Variants in NBPF10 observed in about 807,000 individuals in gnomAD.
NBPF10 encodes the protein NBPF member 10.
NBPF10 carries 63 observed loss-of-function variants against 77.9 expected under a neutral mutation model. The ratio of observed to expected loss-of-function variants is 0.81; its 90% CI spans 0.66 to 1.00. The LOEUF is 1.00. Ranked by LOEUF, NBPF10 falls within the 50% of genes least tolerant of loss-of-function variation. NBPF10 has a pLI of 0.00. For missense variants in NBPF10, 522 were observed against 679.8 expected (o/e 0.77, Z 2.58); for synonymous variants, 146 against 264.5 (o/e 0.55, Z 4.35).
At chr1:146,121,895 A>T (rs1658219931) in intron 19 of NBPF10, among the ~76,000 whole-genome samples, 1 of 149,512 alleles carries the variant, frequency 6.7e-6, no homozygotes, top group Middle Eastern at 3.5e-3. Flanking sequence ...ACAGAGACAG[A>T]GAGAAAGTGA....
chr1:146,125,852 G>A (rs1295851540), intron 14 of NBPF10, among the ~76,000 whole-genome samples: 1 of 150,666 alleles, frequency 6.6e-6, no homozygotes, highest in Non-Finnish European at 1.5e-5. Flanking sequence ...ATTCAGCCCT[G>A]TCTCATCAAA....
At chr1:146,067,899 G>A (rs781937945) in intron 88 of NBPF10, 104 bp downstream of exon 88, 52 of 701,460 alleles carry the variant, frequency 7.4e-5, no homozygotes, top group Admixed American at 5.1e-4. Context: ...TCCTGCCTGC[G>A]GCAATGACGT....
intron 6 of NBPF10, among the ~76,000 whole-genome samples, chr1:146,137,362 C>G (rs7531700): frequency 6.8e-5 from 4 of 58,652 alleles, no homozygotes; most frequent in Non-Finnish European, 1.7e-4. Context: ...CCAAGCTACT[C>G]TCTGCTTTTT....
At position 146,134,335 on chromosome 1, in the gene NBPF10, G is replaced by A; in HGVS notation, c.1307-70C>T. 3 of 1,335,040 alleles carry A rather than the reference G, an allele frequency of 2.2e-6. 1 individual carries two copies. In the South Asian group the frequency reaches 3.5e-5, roughly 16 times the overall value. 82.7% of individuals were successfully genotyped at this position (1,335,040 alleles called of 1,614,324 possible). A position where few individuals can be genotyped will look rare whatever the true frequency, so the allele number is the denominator to read the frequency against. On this transcript the variant is annotated intron_variant, in intron 8 of 89. Coordinates refer to ENST00000583866, the Ensembl canonical transcript of NBPF10. ...TCTGCAAGCACAGTCAGCCCAATGT[G>A]CAACAGAGACATGAACATCTAGGCA... is the stretch of plus-strand genomic sequence containing the variant.
intron 14 of NBPF10, 136 bp from the exon 15 acceptor site, chr1:146,125,652 G>A: frequency 1.9e-6 from 1 of 524,776 alleles, no homozygotes; most frequent in East Asian, 2.9e-5. Flanking sequence ...TATTCTTCAG[G>A]AGGCCTGAAG....
chr1:146,066,675 C>T (rs1482902919), intron 89 of NBPF10, 114 bp from the exon 90 acceptor site: 3 of 532,008 alleles, frequency 5.6e-6, no homozygotes, highest in Non-Finnish European at 1.0e-5. Flanking sequence ...AAGGATAGAA[C>T]CATTAATGAG....
intron 71 of NBPF10, among the ~76,000 whole-genome samples, chr1:146,080,994 C>G (rs1433613478): frequency 3.5e-4 from 28 of 80,176 alleles, no homozygotes; most frequent in African/African-American, 8.9e-4. Context: ...CACACACACA[C>G]ACACACACAC....
At chr1:146,126,085 G>C (rs1658591116) in intron 14 of NBPF10, among the ~76,000 whole-genome samples, 151 bp downstream of exon 14, 1 of 151,580 alleles carries the variant, frequency 6.6e-6, no homozygotes, top group African/African-American at 2.4e-5. Flanking sequence ...GCTTCCAAGT[G>C]GAACTAGAGT....
At chr1:146,142,291 ACG>A (rs1660385059) in intron 2 of NBPF10, among the ~76,000 whole-genome samples, 1 of 112,444 alleles carries the variant, frequency 8.9e-6, no homozygotes, top group Non-Finnish European at 2.0e-5. Flanking sequence ...GAATGAGAAG[ACG>A]CAGTCAGTCA....
chr1:146,127,976 G>A (rs1571198984), intron 12 of NBPF10, 143 bp downstream of exon 12: 8 of 1,510,620 alleles, frequency 5.3e-6, no homozygotes, highest in South Asian at 1.1e-5. Flanking sequence ...TGACTCCAGA[G>A]TGACTGAAGT....
rs57038850 is a variant in NBPF10, at chr1:146,142,632, C to A, written c.278+18G>T. The A allele has an allele frequency of 4.6e-6, 6 of 1,309,068 alleles. No homozygotes were observed. The African/African-American group carries it at 5.5e-5, about 12-fold the overall frequency. The allele number at this position is 1,309,068 out of a possible 1,614,324, so 81.1% of individuals were successfully genotyped here. A position where few individuals can be genotyped will look rare whatever the true frequency, so the allele number is the denominator to read the frequency against. On this transcript the variant is annotated intron_variant, in intron 2 of 89. Coordinates refer to ENST00000583866, the Ensembl canonical transcript of NBPF10. ...CTACACACCTACCCGCCTGCCTCCC[C>A]CTATGGGGTCCCCTCACCTGAGCTC...
chr1:146,066,968 G>A (rs1215935339), intron 89 of NBPF10, among the ~76,000 whole-genome samples: 10 of 144,962 alleles, frequency 6.9e-5, no homozygotes, highest in Non-Finnish European at 1.5e-4. Context: ...TACAGCTTTT[G>A]AAGTATGGTC....
In NBPF10 at chr1:146,069,600, T is replaced by A; in HGVS notation, c.10753A>T (p.Arg3585Ter). Residue 3585 changes from arginine to a stop codon, truncating the protein, a stop_gained, in exon 86 of 90, where the codon AGA (arginine) becomes TGA (stop). Coordinates refer to ENST00000583866, the Ensembl canonical transcript of NBPF10. LOFTEE classifies it high-confidence loss of function. ...TGCTCCAATACATAAAAGGCACTTC[T>A]GTAGGGCTGGCATGAGTCACACAGT... 6.5e-7 allele frequency: 1 copy of A among 1,549,318 alleles called. No homozygotes were observed. Among genetic ancestry groups the A allele is most frequent in the Non-Finnish European group, 8.8e-7 (1 of 1,140,134 alleles).
rs1395030677 is a variant in NBPF10 at position 146,125,857 on chromosome 1, A to G, written c.2027-341T>C. ...AAACTGCACTATTCAGCCCTGTCTCATCAAATACTCAGATTGTTCATGGTA... is the reference window on the plus strand; with the variant it reads ...AAACTGCACTATTCAGCCCTGTCTCGTCAAATACTCAGATTGTTCATGGTA... On this transcript the variant is annotated intron_variant, in intron 14 of 89. Coordinates refer to ENST00000583866, the Ensembl canonical transcript of NBPF10. 2.6e-5 allele frequency among the ~76,000 whole-genome samples: 4 copies of G among 151,078 alleles called. No individual in the cohort carries two copies. The South Asian group carries it at 6.3e-4, about 24-fold the overall frequency.
At position 146,124,981 on chromosome 1, in the gene NBPF10, G is replaced by A; in HGVS notation, c.2079-121C>T. On this transcript the variant is annotated intron_variant, in intron 15 of 89. Transcript: ENST00000583866. Reference sequence around the variant, plus strand: ...AAAGAAAAAGGACAGATCCATTAACGAGGTAATGAATTATTGCCTTTATGT... The same window carrying A: ...AAAGAAAAAGGACAGATCCATTAACAAGGTAATGAATTATTGCCTTTATGT... 1.5e-5 allele frequency: 4 copies of A among 260,370 alleles called. 2 individuals are homozygous for A. Among genetic ancestry groups the A allele is most frequent in the Non-Finnish European group, 2.6e-5 (4 of 152,688 alleles). The allele number at this position is 260,370 out of a possible 1,614,324, so 16.1% of individuals were successfully genotyped here. A position where few individuals can be genotyped will look rare whatever the true frequency, so the allele number is the denominator to read the frequency against.
At chr1:146,081,075 A>G (rs879974937) in intron 71 of NBPF10, among the ~76,000 whole-genome samples, 880 of 30,592 alleles carry the variant, frequency 0.029, 1 homozygote, top group African/African-American at 0.04. Context: ...TCCAGGTGAC[A>G]CACTGATGAG....
chr1:146,069,798 A>C, intron 85 of NBPF10, 83 bp from the exon 86 acceptor site: 1 of 569,246 alleles, frequency 1.8e-6, no homozygotes, highest in South Asian at 1.6e-5. Context: ...GGCTAACGTA[A>C]GGAAGAGTTT....
intron 71 of NBPF10, among the ~76,000 whole-genome samples, chr1:146,081,036 G>A (rs1283964025): frequency 2.6e-4 from 17 of 65,480 alleles, no homozygotes; most frequent in African/African-American, 6.1e-4. Flanking sequence ...CACACAGAGA[G>A]AGAGAGAGAG....
intron 8 of NBPF10, 33 bp from the exon 9 acceptor site, chr1:146,134,298 C>T (rs1659486506): frequency 8.8e-6 from 14 of 1,598,952 alleles, no homozygotes; most frequent in Non-Finnish European, 1.2e-5. Flanking sequence ...TCAGGTATTT[C>T]CCACTTCACA....
Sources: gnomAD v4.1 joint callset for allele counts (sites outside exome capture counted in the v4.1 genomes callset) on GRCh38, gnomAD v4.1.1 for gene constraint, MANE v1.5 for transcripts, NCBI Gene and HGNC (gene_info 2026-07-23, HGNC 2026-07-21) for gene names.